OSTN: variants seen among roughly 807,000 people sequenced by gnomAD.
OSTN encodes osteocrin.
A neutral mutation model predicts 12.0 loss-of-function variants in OSTN; 9 were observed. That is an observed-to-expected ratio of 0.75 (90% CI 0.45 to 1.30). OSTN has a LOEUF of 1.30. Ranked by LOEUF, OSTN falls within the 50% of genes most tolerant of loss-of-function variation. The probability of loss-of-function intolerance (pLI) is 0.00; values close to 1 mark genes in which losing one functional copy is unlikely to be tolerated. For synonymous variants in OSTN, 59 were observed against 56.9 expected, an observed-to-expected ratio of 1.04 and a Z score of -0.16; for missense variants, 148 against 152.3, an observed-to-expected ratio of 0.97 and a Z score of 0.15.
At chr3:191,242,076 T>G (rs1715333893) in intron 3 of OSTN, among the ~76,000 whole-genome samples, 1 of 152,156 alleles carries the variant, frequency 6.6e-6, no homozygotes, top group South Asian at 2.1e-4. Context: ...ACTTTGAAAA[T>G]CAATTAATGG....
chr3:191,215,625 C>A (rs939009927), intron 2 of OSTN, among the ~76,000 whole-genome samples: 3 of 152,216 alleles, frequency 2.0e-5, no homozygotes, highest in African/African-American at 7.2e-5. Context: ...AACAAAGGGG[C>A]CACAGACCCC....
At chr3:191,250,270 G>A (rs1715529904) in intron 4 of OSTN, 137 bp downstream of exon 4, 7 of 658,368 alleles carry the variant, frequency 1.1e-5, no homozygotes, top group Admixed American at 5.4e-5. Flanking sequence ...AATCATTTAT[G>A]TATGCAATGA....
chr3:191,216,679 C>A (rs1218564145), intron 2 of OSTN, among the ~76,000 whole-genome samples: 1 of 152,176 alleles, frequency 6.6e-6, no homozygotes, highest in African/African-American at 2.4e-5. Flanking sequence ...ATCTCTAGGG[C>A]CAGGGCAAAA....
intron 3 of OSTN, among the ~76,000 whole-genome samples, chr3:191,220,475 T>C (rs1429000019): frequency 1.3e-5 from 2 of 152,124 alleles, no homozygotes; most frequent in Non-Finnish European, 2.9e-5. Flanking sequence ...GTATTATTTA[T>C]AACAAATTGT....
chr3:191,208,379 C>A (rs1416238815), intron 1 of OSTN, among the ~76,000 whole-genome samples: 1 of 152,164 alleles, frequency 6.6e-6, no homozygotes, highest in Non-Finnish European at 1.5e-5. Flanking sequence ...ACTAGTTAAT[C>A]AAATGTCTTT....
chr3:191,263,012 T>C lies in OSTN; in HGVS notation c.*159T>C. 1.7e-6 allele frequency: 1 copy of C among 586,720 alleles called. No homozygotes were observed. The highest frequency in any genetic ancestry group is 3.1e-6 in the Non-Finnish European group (1 of 323,284). The allele number at this position is 586,720 out of a possible 1,614,324, so 36.3% of individuals were successfully genotyped here. On this transcript the variant is annotated 3_prime_UTR_variant, in exon 5 of 5. Transcript: ENST00000682035. ...AACTTCAGTCCATCACATTACAGCATTGTTACAGCTTCAATTAAATTGTGT... is the reference window on the plus strand; with the variant it reads ...AACTTCAGTCCATCACATTACAGCACTGTTACAGCTTCAATTAAATTGTGT...
intron 2 of OSTN, among the ~76,000 whole-genome samples, chr3:191,217,673 T>C (rs1000300609): frequency 6.6e-6 from 1 of 152,248 alleles, no homozygotes; most frequent in African/African-American, 2.4e-5. Context: ...AAGTACAAAG[T>C]GGCAATATGT....
intron 3 of OSTN, among the ~76,000 whole-genome samples, chr3:191,222,212 A>G (rs1283406019): frequency 6.6e-6 from 1 of 152,210 alleles, no homozygotes; most frequent in African/African-American, 2.4e-5. Flanking sequence ...TCCCACATAG[A>G]GTCCCCACTG....
intron 4 of OSTN, among the ~76,000 whole-genome samples, chr3:191,257,544 C>T (rs1715699938): frequency 6.6e-6 from 1 of 152,042 alleles, no homozygotes; most frequent in Non-Finnish European, 1.5e-5. Context: ...GAAAGATGGA[C>T]CAGGTGTTAT....
At chr3:191,248,230 C>A (rs1715479729) in intron 3 of OSTN, among the ~76,000 whole-genome samples, 2 of 152,026 alleles carry the variant, frequency 1.3e-5, no homozygotes, top group Admixed American at 6.6e-5. Context: ...TTATTTTCCT[C>A]TACTATTTAC....
At chr3:191,232,617 T>TTATTTGTTTTTTTTTTTTTTTTTTCCTG (rs1715089049) in intron 3 of OSTN, among the ~76,000 whole-genome samples, 1 of 147,392 alleles carries the variant, frequency 6.8e-6, no homozygotes, top group African/African-American at 2.5e-5. Context: ...TTTTTTTTTT[T>TTATTTGTTTTTTTTTTTTTTTTTTCCTG]GAGACGCAGT....
chr3:191,229,102 A>T (rs1339427373), intron 3 of OSTN, among the ~76,000 whole-genome samples: 1 of 152,232 alleles, frequency 6.6e-6, no homozygotes, highest in East Asian at 1.9e-4. Context: ...ACAGGGATGC[A>T]AATAGCAAAA....
chr3:191,209,288 A>G (rs115872139), intron 1 of OSTN, among the ~76,000 whole-genome samples: 2,006 of 152,356 alleles, frequency 0.013, 33 homozygotes, highest in African/African-American at 0.04. Context: ...AAAGAATACA[A>G]TTAAGTGGCT....
At chr3:191,203,646 G>A (rs1714202146) in intron 1 of OSTN, among the ~76,000 whole-genome samples, 1 of 151,932 alleles carries the variant, frequency 6.6e-6, no homozygotes, top group Non-Finnish European at 1.5e-5. Context: ...GTAGGTATCT[G>A]CCACATTAAT....
At chr3:191,212,722 A>T in intron 2 of OSTN, 88 bp downstream of exon 2, 14 of 297,804 alleles carry the variant, frequency 4.7e-5, no homozygotes, top group Non-Finnish European at 6.9e-5. Context: ...TATATATTAA[A>T]ATATATTTCA....
chr3:191,257,314 T>G (rs1319246533), intron 4 of OSTN, among the ~76,000 whole-genome samples: 3 of 152,074 alleles, frequency 2.0e-5, no homozygotes, highest in Non-Finnish European at 2.9e-5. Flanking sequence ...TATCTAGTAG[T>G]TTTGACTACA....
intron 3 of OSTN, among the ~76,000 whole-genome samples, chr3:191,230,429 T>C (rs760334290): frequency 1.1e-4 from 16 of 151,000 alleles, no homozygotes; most frequent in Non-Finnish European, 1.9e-4. Flanking sequence ...CTGGGCATGG[T>C]GGTGGGCGCC....
At chr3:191,261,869 G>C (rs1484901953) in intron 4 of OSTN, among the ~76,000 whole-genome samples, 2 of 152,156 alleles carry the variant, frequency 1.3e-5, no homozygotes, top group African/African-American at 4.8e-5. Flanking sequence ...GATGAAATTA[G>C]CAAGTTCTAG....
intron 1 of OSTN, among the ~76,000 whole-genome samples, chr3:191,206,945 C>A (rs1161575331): frequency 6.6e-6 from 1 of 152,082 alleles, no homozygotes; most frequent in Non-Finnish European, 1.5e-5. Context: ...ACTTATGAGC[C>A]AAGCTGACTC....
Sources: allele counts gnomAD v4.1 joint callset (sites outside exome capture counted in the v4.1 genomes callset), GRCh38; gene constraint gnomAD v4.1.1; transcripts MANE v1.5; gene names NCBI Gene and HGNC (gene_info 2026-07-23, HGNC 2026-07-21).